CANX: variants seen among roughly 807,000 people sequenced by gnomAD.
The protein encoded by CANX is epididymis secretory sperm binding protein.
In CANX, 14 loss-of-function variants were observed where a neutral mutation model predicts 75.7. That is an observed-to-expected ratio of 0.19 (90% CI 0.12 to 0.29). CANX has a LOEUF of 0.29. CANX is among the 10% of genes least tolerant of loss of function. The pLI, the probability that CANX is intolerant of heterozygous loss-of-function variation, is 1.00. For missense variants in CANX, 567 were observed against 713.2 expected (o/e 0.79, Z 2.34); for synonymous variants, 227 against 236.9 (o/e 0.96, Z 0.38).
chr5:179,701,626 A>G (rs1776765690), intron 1 of CANX, among the ~76,000 whole-genome samples: 1 of 151,956 alleles, frequency 6.6e-6, no homozygotes, highest in South Asian at 2.1e-4. Context: ...GCCGTTTATA[A>G]TAACTCCTAG....
chr5:179,714,357 C>T (rs982797793), intron 7 of CANX, among the ~76,000 whole-genome samples: 1 of 152,038 alleles, frequency 6.6e-6, no homozygotes, highest in African/African-American at 2.4e-5. Flanking sequence ...ATCACACGTA[C>T]CCCGAAAATA....
At chr5:179,711,200 G>C (rs543217460) in intron 7 of CANX, among the ~76,000 whole-genome samples, 76 of 152,318 alleles carry the variant, frequency 5.0e-4, no homozygotes, top group African/African-American at 1.8e-3. Context: ...GAATCGGATG[G>C]ATTGCTTGAG....
chr5:179,700,095 G>GCCAT (rs1776633762), intron 1 of CANX: 1 of 152,180 alleles, frequency 6.6e-6, no homozygotes, highest in Non-Finnish European at 1.5e-5. Flanking sequence ...CCAATACACT[G>GCCAT]CCATCCTAGT....
chr5:179,705,815 CA>C lies in CANX; in HGVS notation c.138del (p.Lys46AsnfsTer61), dbSNP rs1315358676. On this transcript the variant is annotated frameshift_variant, in exon 2 of 15. Coordinates refer to ENST00000247461, the MANE Select transcript of CANX (RefSeq NM_001746.4). LOFTEE classifies it high-confidence loss of function. ...LDDVIEEVED[S>X]KPDTTAPPSS... ...GATGTCATTGAAGAGGTAGAAGACT[CA>C]AAACCAGATACCACTGCTCCTCCTT... The C allele has an allele frequency of 6.2e-7, 1 of 1,613,568 alleles. No homozygotes were observed.
chr5:179,703,509 C>T (rs982111137), intron 1 of CANX, among the ~76,000 whole-genome samples: 1 of 152,158 alleles, frequency 6.6e-6, no homozygotes, highest in Non-Finnish European at 1.5e-5. Context: ...CCCTGCCCAA[C>T]GACTCACTTA....
chr5:179,727,041 G>A (rs1344666704), intron 14 of CANX, among the ~76,000 whole-genome samples: 1 of 152,210 alleles, frequency 6.6e-6, no homozygotes, highest in African/African-American at 2.4e-5. Context: ...GGAAACTTCG[G>A]GTCATTAACA....
intron 7 of CANX, among the ~76,000 whole-genome samples, chr5:179,710,559 T>A (rs1163544330): frequency 1.4e-5 from 2 of 146,100 alleles, no homozygotes; most frequent in Non-Finnish European, 3.0e-5. Flanking sequence ...TACAAAAATA[T>A]TAGCCGGGCG....
At chr5:179,693,621 C>A (rs1326711573), upstream of CANX, among the ~76,000 whole-genome samples, 2 of 151,810 alleles carry the variant, frequency 1.3e-5, no homozygotes, top group Non-Finnish European at 2.9e-5. Flanking sequence ...TGCAGTGAGC[C>A]GAGATTGTAC....
intron 1 of CANX, among the ~76,000 whole-genome samples, chr5:179,685,129 C>T (rs1471622586): frequency 1.3e-5 from 2 of 150,960 alleles, no homozygotes; most frequent in African/African-American, 2.4e-5. Flanking sequence ...GGCAGAGTCT[C>T]GCCCTGTCAC....
intron 1 of CANX, among the ~76,000 whole-genome samples, chr5:179,693,003 G>A (rs1192399388): frequency 6.6e-6 from 1 of 151,824 alleles, no homozygotes; most frequent in Admixed American, 6.6e-5. Flanking sequence ...AAAATTAGCC[G>A]GGCACAGTGG....
In CANX at chr5:179,719,698, T is replaced by C. The variant is rs996526964; in HGVS notation, c.942T>C (p.Asp314=). 1.7e-5 allele frequency: 28 copies of C among 1,612,546 alleles called. No individual in the cohort carries two copies. The highest frequency in any genetic ancestry group is 2.2e-5 in the Non-Finnish European group (26 of 1,179,186). The change falls in exon 9 of 15, where the codon GAT becomes GAC. Residue 314 remains aspartate, a synonymous_variant. Transcript: ENST00000247461. ...WDEDAPAKIP[D]EEATKPEGWL... is the part of the protein sequence containing the mutation. ...AAGATGCCCCTGCTAAGATTCCAGA[T>C]GAAGAGGCCACAAAACCCGAAGGCT...
intron 1 of CANX, among the ~76,000 whole-genome samples, chr5:179,692,481 G>T (rs1776315370): frequency 6.6e-6 from 1 of 151,990 alleles, no homozygotes; most frequent in South Asian, 2.1e-4. Flanking sequence ...GCCAATGGAG[G>T]ATGATCACTT....
intron 1 of CANX, among the ~76,000 whole-genome samples, chr5:179,689,674 G>A (rs1776266741): frequency 6.6e-6 from 1 of 152,254 alleles, no homozygotes; most frequent in South Asian, 2.1e-4. Flanking sequence ...ACAGGCGTGA[G>A]CCACCACACC....
intron 8 of CANX, among the ~76,000 whole-genome samples, chr5:179,719,317 G>T (rs62404349): frequency 6.6e-6 from 1 of 152,008 alleles, no homozygotes; most frequent in Non-Finnish European, 1.5e-5. Context: ...GTACTAAGTG[G>T]TATCGTTTTG....
upstream of CANX, among the ~76,000 whole-genome samples, chr5:179,697,471 A>G (rs554788719): frequency 6.6e-6 from 1 of 152,322 alleles, no homozygotes; most frequent in African/African-American, 2.4e-5. Context: ...CCTTTGCAGG[A>G]GTAGCTCTTT....
At chr5:179,698,336 C>G (rs1235338958), upstream of CANX, 2 of 990,648 alleles carry the variant, frequency 2.0e-6, no homozygotes, top group Admixed American at 3.8e-5. Flanking sequence ...GTGTGTTATG[C>G]TGGGCGACGA....
chr5:179,698,997 C>T lies in CANX; in HGVS notation c.-109C>T. 3 of 1,124,030 alleles carry T rather than the reference C, an allele frequency of 2.7e-6. No individual in the cohort carries two copies. Among genetic ancestry groups the T allele is most frequent in the South Asian group, 1.8e-5 (1 of 54,802 alleles). The allele number at this position is 1,124,030 out of a possible 1,614,324, so 69.6% of individuals were successfully genotyped here. ...TGGCCGAGGCCTCTTGGTTCTGCGG[C>T]ACGTGACGGTCGGGCCGCCTCCGCC... is the stretch of plus-strand genomic sequence containing the variant. On this transcript the variant is annotated 5_prime_UTR_variant, in exon 1 of 15. Coordinates refer to ENST00000247461, the MANE Select transcript of CANX (RefSeq NM_001746.4).
chr5:179,699,171 GCTGAGGGGTCGGGCGTGGCCGGCGA>G (rs1483252671), intron 1 of CANX, 69 bp downstream of exon 1: 13 of 928,774 alleles, frequency 1.4e-5, no homozygotes, highest in South Asian at 4.3e-5. Context: ...CGCCTCTGCG[GCTGAGGGGTCGGGCGTGGCCGGCGA>G]CTGAGGGGTC....
chr5:179,687,101 G>GT (rs1776203326), intron 1 of CANX, among the ~76,000 whole-genome samples: 1 of 150,118 alleles, frequency 6.7e-6, no homozygotes, highest in Non-Finnish European at 1.5e-5. Flanking sequence ...TTGTTTGTTT[G>GT]TTTTTTGAGA....
Sources: allele counts gnomAD v4.1 joint callset (sites outside exome capture counted in the v4.1 genomes callset), GRCh38; gene constraint gnomAD v4.1.1; transcripts MANE v1.5; gene names NCBI Gene and HGNC (gene_info 2026-07-23, HGNC 2026-07-21).